Variants in FYN observed in about 807,000 individuals in gnomAD.
FYN encodes the protein tyrosine-protein kinase Fyn.
Under a neutral mutation model 70.2 loss-of-function variants are expected in FYN, and 10 were observed. The ratio of observed to expected loss-of-function variants is 0.14; its 90% CI spans 0.09 to 0.24. The LOEUF (loss-of-function observed/expected upper bound fraction) is 0.24. Ranked by LOEUF, FYN falls within the 10% of genes least tolerant of loss-of-function variation. The pLI, the probability that FYN is intolerant of heterozygous loss-of-function variation, is 1.00. For missense variants in FYN, 319 were observed against 673.1 expected (o/e 0.47, Z 5.82); for synonymous variants, 236 against 248.6 (o/e 0.95, Z 0.48).
At chr6:111,671,057 A>C (rs781190831) in intron 13 of FYN, among the ~76,000 whole-genome samples, 1 of 152,226 alleles carries the variant, frequency 6.6e-6, no homozygotes, top group Non-Finnish European at 1.5e-5. Context: ...CGGGGAACTG[A>C]TGGAGCTCTT....
chr6:111,705,757 G>A (rs530510165), intron 6 of FYN, among the ~76,000 whole-genome samples: 34 of 152,258 alleles, frequency 2.2e-4, no homozygotes, highest in South Asian at 4.1e-4. Flanking sequence ...GCTGGGGCAC[G>A]AGAATTGCTT....
At chr6:111,851,281 C>T (rs73764309) in intron 1 of FYN, among the ~76,000 whole-genome samples, 2,134 of 152,218 alleles carry the variant, frequency 0.014, 52 homozygotes, top group African/African-American at 0.049. Context: ...GTTTATCTTA[C>T]GTAAATATTT....
At chr6:111,696,225 A>G (rs372333709) in intron 10 of FYN, 52 bp downstream of exon 10, 3 of 1,442,334 alleles carry the variant, frequency 2.1e-6, no homozygotes, top group African/African-American at 2.9e-5. Context: ...TCTCTCCCCT[A>G]AACAACCCCT....
intron 2 of FYN, among the ~76,000 whole-genome samples, chr6:111,803,097 C>T (rs1045680862): frequency 2.0e-5 from 3 of 152,222 alleles, no homozygotes; most frequent in African/African-American, 7.2e-5. Flanking sequence ...TTCACAAGAT[C>T]CTCCAACTGC....
At chr6:111,840,328 T>C (rs73531908) in intron 2 of FYN, among the ~76,000 whole-genome samples, 1,651 of 152,236 alleles carry the variant, frequency 0.011, 26 homozygotes, top group African/African-American at 0.039. Context: ...CCAGGTATCC[T>C]TATAAGAGGG....
intron 3 of FYN, among the ~76,000 whole-genome samples, chr6:111,736,530 T>C (rs1801718734): frequency 6.6e-6 from 1 of 152,174 alleles, no homozygotes; most frequent in African/African-American, 2.4e-5. Flanking sequence ...CAGGTAATGA[T>C]GGCCCAAGGG....
At chr6:111,804,777 G>C (rs1006093875) in intron 2 of FYN, among the ~76,000 whole-genome samples, 1 of 152,146 alleles carries the variant, frequency 6.6e-6, no homozygotes, top group Non-Finnish European at 1.5e-5. Flanking sequence ...TGGAAACTTG[G>C]AGGCTTTAAT....
chr6:111,845,532 C>A lies in FYN; in HGVS notation c.-82+1057G>T, dbSNP rs562517034. On this transcript the variant is annotated intron_variant, in intron 2 of 13. Transcript: ENST00000354650. ...AGGTCAGGAGTTACTCACAATTGTT[C>A]TGGAACAATGTTTCAGATAGTATAC... Among the ~76,000 whole-genome samples the A allele has an allele frequency of 1.3e-3, 205 of 152,312 alleles. 1 individual carries two copies. Among genetic ancestry groups the A allele is most frequent in the African/African-American group, 4.8e-3 (199 of 41,572 alleles).
chr6:111,863,460 T>C (rs930773507), intron 1 of FYN, among the ~76,000 whole-genome samples: 49 of 152,346 alleles, frequency 3.2e-4, no homozygotes, highest in African/African-American at 1.2e-3. Flanking sequence ...TTATTTGCCT[T>C]TTCAGTAGAA....
chr6:111,783,345 C>A (rs770184508), intron 2 of FYN, among the ~76,000 whole-genome samples: 2 of 152,118 alleles, frequency 1.3e-5, no homozygotes, highest in East Asian at 3.9e-4. Context: ...ATAACCATGA[C>A]TGATGAGATT....
intron 3 of FYN, among the ~76,000 whole-genome samples, chr6:111,724,897 AG>A (rs1397652535): frequency 6.6e-6 from 1 of 152,232 alleles, no homozygotes; most frequent in African/African-American, 2.4e-5. Flanking sequence ...AACTGAACTA[AG>A]AACCTAGAAA....
intron 2 of FYN, among the ~76,000 whole-genome samples, chr6:111,839,116 C>T (rs1773276048): frequency 6.6e-6 from 1 of 152,184 alleles, no homozygotes; most frequent in Non-Finnish European, 1.5e-5. Flanking sequence ...CTACGACATG[C>T]CCAGCCATAC....
intron 3 of FYN, among the ~76,000 whole-genome samples, chr6:111,723,888 C>G (rs976468431): frequency 2.6e-5 from 4 of 152,068 alleles, no homozygotes; most frequent in African/African-American, 9.7e-5. Context: ...ATGTGGAGCC[C>G]TGGAGTTACT....
At chr6:111,707,778 A>G (rs1029861420) in intron 6 of FYN, 144 bp downstream of exon 6, 5 of 633,834 alleles carry the variant, frequency 7.9e-6, no homozygotes, top group African/African-American at 1.8e-5. Flanking sequence ...TACACAGGGT[A>G]AAAACCGGGG....
At chr6:111,792,065 T>C (rs1449790897) in intron 2 of FYN, among the ~76,000 whole-genome samples, 5 of 152,108 alleles carry the variant, frequency 3.3e-5, no homozygotes, top group Admixed American at 3.3e-4. Context: ...AATGTCTTCA[T>C]CAAATGACAT....
At chr6:111,762,238 T>C (rs1218495232) in intron 3 of FYN, among the ~76,000 whole-genome samples, 6 of 152,176 alleles carry the variant, frequency 3.9e-5, no homozygotes, top group Admixed American at 6.5e-5. Context: ...TGGGAGAGGC[T>C]TTGCTTCTGC....
chr6:111,769,806 T>C (rs1803376788), intron 3 of FYN, among the ~76,000 whole-genome samples: 1 of 152,202 alleles, frequency 6.6e-6, no homozygotes, highest in African/African-American at 2.4e-5. Flanking sequence ...ATGGAAACTC[T>C]GCTGTGGAGA....
intron 2 of FYN, among the ~76,000 whole-genome samples, chr6:111,840,365 A>T (rs1424457804): frequency 6.6e-6 from 1 of 152,202 alleles, no homozygotes; most frequent in Non-Finnish European, 1.5e-5. Context: ...ACAGATGAGA[A>T]GGCAATGTGA....
chr6:111,864,077 T>C (rs891587078), intron 1 of FYN, among the ~76,000 whole-genome samples: 6 of 152,194 alleles, frequency 3.9e-5, no homozygotes, highest in African/African-American at 1.2e-4. Flanking sequence ...TTCAGCATAT[T>C]TGTGCTCTTT....
Sources: allele counts gnomAD v4.1 joint callset (sites outside exome capture counted in the v4.1 genomes callset), GRCh38; gene constraint gnomAD v4.1.1; transcripts MANE v1.5; gene names NCBI Gene and HGNC (gene_info 2026-07-23, HGNC 2026-07-21).